The following MTFMT variants were observed in gnomAD, a reference collection of about 807,000 sequenced individuals.
MTFMT encodes mitochondrial methionyl-tRNA formyltransferase, also known as methionyl-tRNA formyltransferase, mitochondrial.
In MTFMT, 47 loss-of-function variants were observed where a neutral mutation model predicts 51.8. The observed-to-expected ratio is 0.91, with a 90% CI of 0.72 to 1.16. The LOEUF is 1.16. Among genes scored for constraint, MTFMT ranks in the 50% most tolerant of loss-of-function variants. The pLI, the probability that MTFMT is intolerant of heterozygous loss-of-function variation, is 0.00. For missense variants in MTFMT, 512 were observed against 482.3 expected (o/e 1.06, Z -0.58); for synonymous variants, 196 against 176.7 (o/e 1.11, Z -0.87).
intron 6 of MTFMT, among the ~76,000 whole-genome samples, chr15:65,014,664 G>A (rs1267909305): frequency 7.1e-6 from 1 of 141,630 alleles, no homozygotes; most frequent in Non-Finnish European, 1.5e-5. Context: ...GTCTTGCTCT[G>A]TCGCCCAGGC....
chr15:65,014,473 G>A (rs375184655), intron 6 of MTFMT, among the ~76,000 whole-genome samples: 58 of 151,652 alleles, frequency 3.8e-4, no homozygotes, highest in African/African-American at 1.2e-3. Context: ...ACAGGCATGC[G>A]CCACTAGGTC....
At chr15:65,027,559 T>A (rs150429223) in intron 1 of MTFMT, among the ~76,000 whole-genome samples, 1 of 152,356 alleles carries the variant, frequency 6.6e-6, no homozygotes, top group African/African-American at 2.4e-5. Context: ...ACGTGGCTAG[T>A]GGCTACTGTT....
intron 6 of MTFMT, among the ~76,000 whole-genome samples, chr15:65,011,026 C>T (rs1204441633): frequency 1.3e-5 from 2 of 150,268 alleles, no homozygotes; most frequent in Non-Finnish European, 3.0e-5. Context: ...CTGCTTGAAA[C>T]AAATGTCTAC....
intron 2 of MTFMT, among the ~76,000 whole-genome samples, 193 bp from the exon 3 acceptor site, chr15:65,023,987 A>G (rs984838301): frequency 6.6e-6 from 1 of 152,228 alleles, no homozygotes; most frequent in African/African-American, 2.4e-5. Context: ...ATAAGAAACC[A>G]ATGACATTTA....
rs749250129 is a variant in MTFMT, at chr15:65,003,100, G to A, written c.1132C>T (p.Gln378Ter). Residue 378 changes from glutamine to a stop codon, truncating the protein, a stop_gained, in exon 9 of 9, where the codon CAG becomes TAG. Coordinates refer to ENST00000220058, the MANE Select transcript of MTFMT (RefSeq NM_139242.4). LOFTEE classifies it high-confidence loss of function. ...QTLRLPTKKK[Q>*]KKTVAMQQCI... ...TGTTGCATAGCAACAGTTTTTTTCT[G>A]CTTCTTCTTTGTTGGAAGTCTGAGA... 4 of 1,600,622 alleles carry A rather than the reference G, an allele frequency of 2.5e-6. No homozygotes were observed. The Admixed American group carries it at 6.9e-5, about 28-fold the overall frequency.
intron 2 of MTFMT, among the ~76,000 whole-genome samples, chr15:65,025,275 C>T (rs1402270071): frequency 6.8e-6 from 1 of 146,046 alleles, no homozygotes; most frequent in East Asian, 2.1e-4. Flanking sequence ...TGTGTTGGCA[C>T]ATTCCTATAG....
chr15:65,011,021 T>C (rs913211187), intron 6 of MTFMT, among the ~76,000 whole-genome samples: 1 of 152,126 alleles, frequency 6.6e-6, no homozygotes, highest in African/African-American at 2.4e-5. Flanking sequence ...TGTATCTGCT[T>C]GAAACAAATG....
chr15:65,019,087 T>C (rs2140483765), intron 5 of MTFMT, among the ~76,000 whole-genome samples: 1 of 152,348 alleles, frequency 6.6e-6, no homozygotes, highest in Middle Eastern at 3.4e-3. Flanking sequence ...TGTGAAAGGT[T>C]GTTAGGGAAC....
In MTFMT at chr15:65,002,113, T is replaced by C. The variant is rs905054162; in HGVS notation, c.*949A>G. The C allele has an allele frequency of 4.0e-5, 6 of 151,804 alleles. No individual in the cohort carries two copies. The highest frequency in any genetic ancestry group is 1.5e-4 in the African/African-American group (6 of 41,320). The allele number at this position is 151,804 out of a possible 1,614,324, so 9.4% of individuals were successfully genotyped here. ...ATGCACTGTTTTTAAAAAAACCTCT[T>C]CTCGGCCAGGCACGGTGGCTCACAG... On this transcript the variant is annotated 3_prime_UTR_variant, in exon 9 of 9. Transcript: ENST00000220058.
intron 5 of MTFMT, among the ~76,000 whole-genome samples, chr15:65,016,805 G>A (rs1255910505): frequency 1.4e-5 from 2 of 147,086 alleles, no homozygotes; most frequent in African/African-American, 5.0e-5. Context: ...TTTTGAGATA[G>A]GGTCTTGCCC....
chr15:65,013,887 G>A (rs375456446), intron 6 of MTFMT, among the ~76,000 whole-genome samples: 1 of 151,290 alleles, frequency 6.6e-6, no homozygotes, highest in African/African-American at 2.4e-5. Flanking sequence ...AGGTTGCAGT[G>A]AGCTGAAACT....
At chr15:65,013,473 A>G (rs1204868280) in intron 6 of MTFMT, among the ~76,000 whole-genome samples, 1 of 152,126 alleles carries the variant, frequency 6.6e-6, no homozygotes, top group Non-Finnish European at 1.5e-5. Flanking sequence ...TATCAAGTTG[A>G]GGAAATGCTC....
chr15:65,027,934 C>A (rs76719785), intron 1 of MTFMT, among the ~76,000 whole-genome samples: 24 of 152,224 alleles, frequency 1.6e-4, no homozygotes, highest in Admixed American at 3.9e-4. Context: ...CATAACATGG[C>A]TATCATTCCA....
intron 6 of MTFMT, among the ~76,000 whole-genome samples, chr15:65,009,959 C>A (rs970288075): frequency 2.6e-5 from 4 of 152,078 alleles, no homozygotes; most frequent in African/African-American, 9.7e-5. Context: ...CAACCAATTC[C>A]CTAACTGACC....
chr15:65,003,124 G>C lies in MTFMT; in HGVS notation c.1108C>G (p.Leu370Val). The change falls in exon 9 of 9, where the codon CTC becomes GTC. Residue 370 changes from leucine to valine, a missense_variant. Transcript: ENST00000220058. ...TGCTTCTTCTTTGTTGGAAGTCTGA[G>C]AGTCTGAAATCTGCATTGGCTTGGT... is the stretch of plus-strand genomic sequence containing the variant. Reference protein sequence around the residue: ...AQPSQCRFQTLRLPTKKKQKK... With the variant: ...AQPSQCRFQTVRLPTKKKQKK... 1.2e-6 allele frequency: 2 copies of C among 1,612,888 alleles called. No individual in the cohort carries two copies. The highest frequency in any genetic ancestry group is 1.7e-6 in the Non-Finnish European group (2 of 1,179,408).
chr15:65,029,073 A>C (rs1012046492), intron 1 of MTFMT, among the ~76,000 whole-genome samples: 1 of 152,046 alleles, frequency 6.6e-6, no homozygotes, highest in Non-Finnish European at 1.5e-5. Context: ...GATTCCCCAC[A>C]CTCAAAACGG....
At chr15:65,022,297 C>T (rs1156535484) in intron 3 of MTFMT, among the ~76,000 whole-genome samples, 2 of 151,812 alleles carry the variant, frequency 1.3e-5, no homozygotes, top group Non-Finnish European at 2.9e-5. Flanking sequence ...ACTAAAAATA[C>T]AAAAAATTAG....
At position 65,020,292 on chromosome 15, in the gene MTFMT, AGTGTG is replaced by A; in HGVS notation, c.646-25_646-21del. On this transcript the variant is annotated intron_variant, in intron 4 of 8. Coordinates refer to ENST00000220058, the MANE Select transcript of MTFMT (RefSeq NM_139242.4). Reference sequence around the variant, plus strand: ...AATGAGCTACAAAAAAAAAAAAAAGAGTGTGATATATTCAAAATGAAGGGAAGAAC... The same window carrying A: ...AATGAGCTACAAAAAAAAAAAAAAGAATATATTCAAAATGAAGGGAAGAAC... The A allele has an allele frequency of 1.3e-6, 2 of 1,535,054 alleles. No homozygotes were observed. Among genetic ancestry groups the A allele is most frequent in the Non-Finnish European group, 1.8e-6 (2 of 1,113,904 alleles).
rs757980307 is a variant in MTFMT, at chr15:65,004,881, CTGTT to C, written c.944_947del (p.Lys315SerfsTer19). On this transcript the variant is annotated frameshift_variant, in exon 8 of 9. Transcript: ENST00000220058. LOFTEE classifies it high-confidence loss of function. ...TGCAATAAACCAATAGTATTTGTGACTGTTTGTGGTATATTACTGATCCTGGAAT... is the reference window on the plus strand; with the variant it reads ...TGCAATAAACCAATAGTATTTGTGACTGTGGTATATTACTGATCCTGGAAT... 3 of 1,608,596 alleles carry C rather than the reference CTGTT, an allele frequency of 1.9e-6. No individual in the cohort carries two copies. In the South Asian group the frequency reaches 3.3e-5, roughly 18 times the overall value.
Sources: allele counts gnomAD v4.1 joint callset (sites outside exome capture counted in the v4.1 genomes callset), GRCh38; gene constraint gnomAD v4.1.1; transcripts MANE v1.5; gene names NCBI Gene and HGNC (gene_info 2026-07-23, HGNC 2026-07-21).